The following RPH3A variants were observed in gnomAD, a reference collection of about 807,000 sequenced individuals.
RPH3A encodes the protein rabphilin 3A, also known as rabphilin-3A.
RPH3A carries 48 observed loss-of-function variants against 102.2 expected under a neutral mutation model. The observed-to-expected ratio is 0.47, with a 90% CI of 0.37 to 0.60. RPH3A has a LOEUF of 0.60. Ranked by LOEUF, RPH3A falls within the 20% of genes least tolerant of loss-of-function variation. The probability of loss-of-function intolerance (pLI) is 0.00; values close to 1 mark genes in which losing one functional copy is unlikely to be tolerated. For synonymous variants in RPH3A, 310 were observed against 324.3 expected, an observed-to-expected ratio of 0.96 and a Z score of 0.47; for missense variants, 781 against 910.1, an observed-to-expected ratio of 0.86 and a Z score of 1.83.
intron 1 of RPH3A, among the ~76,000 whole-genome samples, chr12:112,608,208 C>T (rs529601325): frequency 2.6e-5 from 4 of 151,684 alleles, no homozygotes; most frequent in African/African-American, 4.8e-5. Context: ...CTCTGCCTGC[C>T]GGGTTCAAGT....
chr12:112,847,714 C>T lies in RPH3A; in HGVS notation c.102C>T (p.Ser34=), dbSNP rs768230015. The change falls in exon 5 of 22, where the codon TCC becomes TCT. Residue 34 remains serine, a synonymous_variant. Coordinates refer to ENST00000389385, the MANE Select transcript of RPH3A (RefSeq NM_001143854.2). ...CTTTCAGGCTCCAGGCAGGCTGGTCCGTCCACCCCGGTGGTCAGCCTGACA... is the reference window on the plus strand; with the variant it reads ...CTTTCAGGCTCCAGGCAGGCTGGTCTGTCCACCCCGGTGGTCAGCCTGACA... ...NDKEQLQAGW[S]VHPGGQPDRQ... is the part of the protein sequence containing the mutation. 2.2e-5 allele frequency: 35 copies of T among 1,613,898 alleles called. No individual in the cohort carries two copies. Among genetic ancestry groups the T allele is most frequent in the East Asian group, 2.0e-4 (9 of 44,900 alleles).
chr12:112,670,935 G>T (rs2040124540), intron 1 of RPH3A, among the ~76,000 whole-genome samples: 1 of 152,104 alleles, frequency 6.6e-6, no homozygotes, highest in South Asian at 2.1e-4. Flanking sequence ...GCAAAATCGT[G>T]TTGCAAAGGG....
chr12:112,577,708 ATT>A (rs544357302), intron 1 of RPH3A, among the ~76,000 whole-genome samples: 6 of 133,978 alleles, frequency 4.5e-5, no homozygotes, highest in Non-Finnish European at 4.9e-5. Flanking sequence ...ATGCCCACCT[ATT>A]TTTTTTTTTT....
rs1442738696 is a variant in RPH3A at position 112,589,227 on chromosome 12, C to G, written c.-140+13908C>G. Among the ~76,000 whole-genome samples the G allele has an allele frequency of 1.5e-4, 23 of 152,138 alleles. 1 individual carries two copies. Among genetic ancestry groups the G allele is most frequent in the Admixed American group, 1.2e-3 (19 of 15,290 alleles). Reference sequence around the variant, plus strand: ...ACTCCTGCCCAGGCCTCACTACTCACTGGCCCACCTTATTCCTGCCTCTTA... The same window carrying G: ...ACTCCTGCCCAGGCCTCACTACTCAGTGGCCCACCTTATTCCTGCCTCTTA... On this transcript the variant is annotated intron_variant, in intron 1 of 21. Transcript: ENST00000543106.
intron 1 of RPH3A, among the ~76,000 whole-genome samples, chr12:112,612,014 T>C (rs972010630): frequency 6.6e-6 from 1 of 152,192 alleles, no homozygotes; most frequent in African/African-American, 2.4e-5. Flanking sequence ...TCTGATCTTG[T>C]GTGGCATTCT....
intron 1 of RPH3A, among the ~76,000 whole-genome samples, chr12:112,603,063 C>T (rs2039570408): frequency 6.6e-6 from 1 of 152,112 alleles, no homozygotes; most frequent in Non-Finnish European, 1.5e-5. Context: ...GGGGTATGAT[C>T]TAATGGTAAT....
intron 1 of RPH3A, among the ~76,000 whole-genome samples, chr12:112,598,563 A>C (rs756615789): frequency 2.4e-4 from 37 of 152,188 alleles, no homozygotes; most frequent in Admixed American, 6.5e-4. Flanking sequence ...GTACTTGGTA[A>C]AATTGAATTC....
chr12:112,692,116 T>A (rs2040310939), intron 1 of RPH3A, among the ~76,000 whole-genome samples: 1 of 152,162 alleles, frequency 6.6e-6, no homozygotes, highest in Non-Finnish European at 1.5e-5. Context: ...ATGTGGAAGC[T>A]TAAAGTTGGC....
chr12:112,619,648 G>A (rs11837081), intron 1 of RPH3A, among the ~76,000 whole-genome samples: 10,315 of 152,078 alleles, frequency 0.068, 879 homozygotes, highest in African/African-American at 0.19. Context: ...ACCATTTGAT[G>A]TTTCCACCAG....
chr12:112,794,904 C>T (rs2012183), intron 2 of RPH3A, among the ~76,000 whole-genome samples: 5,713 of 152,282 alleles, frequency 0.038, 258 homozygotes, highest in Admixed American at 0.12. Context: ...CTCTCCAGCC[C>T]GTGCTGGTAA....
chr12:112,807,363 T>C (rs2041489236), intron 2 of RPH3A, among the ~76,000 whole-genome samples: 1 of 152,076 alleles, frequency 6.6e-6, no homozygotes, highest in Non-Finnish European at 1.5e-5. Context: ...AAGAGGACAG[T>C]AGGACCCCTC....
intron 1 of RPH3A, among the ~76,000 whole-genome samples, chr12:112,663,261 G>A (rs2040062319): frequency 6.6e-6 from 1 of 152,082 alleles, no homozygotes; most frequent in Non-Finnish European, 1.5e-5. Context: ...CCAGGTTGGA[G>A]TACAGTGGAG....
chr12:112,717,349 T>C (rs187371027), intron 1 of RPH3A, among the ~76,000 whole-genome samples: 81 of 152,276 alleles, frequency 5.3e-4, no homozygotes, highest in African/African-American at 1.8e-3. Context: ...CGTTGATCTG[T>C]TCTTCATTCC....
intron 2 of RPH3A, among the ~76,000 whole-genome samples, chr12:112,800,758 GTGGGACTGGAACTATTCCTGGCAA>G (rs1424729585): frequency 6.6e-6 from 1 of 152,144 alleles, no homozygotes; most frequent in African/African-American, 2.4e-5. Context: ...GTCCACTCCA[GTGGGACTGGAACTATTCCTGGCAA>G]TGGTGCAGCA....
intron 1 of RPH3A, among the ~76,000 whole-genome samples, chr12:112,743,020 A>G (rs1156831311): frequency 6.6e-6 from 1 of 152,140 alleles, no homozygotes; most frequent in Non-Finnish European, 1.5e-5. Flanking sequence ...TGCTTCTGCC[A>G]TCCCGTGTCC....
intron 1 of RPH3A, among the ~76,000 whole-genome samples, chr12:112,766,749 A>C (rs141227830): frequency 3.3e-5 from 5 of 152,324 alleles, no homozygotes; most frequent in African/African-American, 9.6e-5. Context: ...AGCCAGTGTC[A>C]CAACGATGAT....
chr12:112,691,274 A>C (rs1028179178), intron 1 of RPH3A, among the ~76,000 whole-genome samples: 5 of 152,084 alleles, frequency 3.3e-5, no homozygotes, highest in Non-Finnish European at 7.4e-5. Context: ...GGCCTCCCAA[A>C]GTGCTGGGAT....
intron 10 of RPH3A, among the ~76,000 whole-genome samples, chr12:112,872,937 T>C (rs974053485): frequency 2.6e-5 from 4 of 152,212 alleles, no homozygotes; most frequent in Admixed American, 6.5e-5. Context: ...GCAGCCCTAA[T>C]GCAGGACTTA....
intron 2 of RPH3A, among the ~76,000 whole-genome samples, chr12:112,812,863 T>A (rs1312628488): frequency 6.6e-6 from 1 of 152,222 alleles, no homozygotes; most frequent in African/African-American, 2.4e-5. Flanking sequence ...TTTGAGCCAA[T>A]GTATACAAAT....
Sources: gnomAD v4.1 joint callset for allele counts (sites outside exome capture counted in the v4.1 genomes callset) on GRCh38, gnomAD v4.1.1 for gene constraint, MANE v1.5 for transcripts, NCBI Gene and HGNC (gene_info 2026-07-23, HGNC 2026-07-21) for gene names.